The following ZFYVE26 variants were observed in gnomAD, a reference collection of about 807,000 sequenced individuals.
ZFYVE26 encodes zinc finger FYVE domain-containing protein 26.
A neutral mutation model predicts 276.5 loss-of-function variants in ZFYVE26; 181 were observed. That is an observed-to-expected ratio of 0.65 (90% CI 0.58 to 0.74). The LOEUF (loss-of-function observed/expected upper bound fraction) is 0.74. Among genes scored for constraint, ZFYVE26 ranks in the 30% least tolerant of loss-of-function variants. The pLI is 0.00. For missense variants in ZFYVE26, 2,821 were observed against 3,097.9 expected (o/e 0.91, Z 2.12); for synonymous variants, 1,129 against 1,203.1 (o/e 0.94, Z 1.27).
chr14:67,736,102 G>A (rs1188935655), intron 13 of ZFYVE26, among the ~76,000 whole-genome samples: 3 of 152,346 alleles, frequency 2.0e-5, no homozygotes, highest in East Asian at 1.9e-4. Context: ...TCAAGGAAGG[G>A]TTGAAACTGG....
chr14:67,754,238 C>T, intron 37 of ZFYVE26, 26 bp from the exon 38 acceptor site: 1 of 1,613,996 alleles, frequency 6.2e-7, no homozygotes, highest in Non-Finnish European at 8.5e-7. Flanking sequence ...ATGCACAGTC[C>T]AGCCTCATGA....
At chr14:67,799,472 C>CT in intron 10 of ZFYVE26, 1 of 1,611,006 alleles carries the variant, frequency 6.2e-7, no homozygotes, top group Admixed American at 1.7e-5. Flanking sequence ...CGTGGATAGC[C>CT]TGAAGGCAGC....
intron 3 of ZFYVE26, 143 bp from the exon 4 acceptor site, chr14:67,809,432 T>A: frequency 7.7e-6 from 5 of 651,962 alleles, no homozygotes; most frequent in South Asian, 2.0e-5. Flanking sequence ...TTTTTTTTTT[T>A]TTTATTTTGA....
At chr14:67,779,964 T>G (rs1316477693) in intron 23 of ZFYVE26, among the ~76,000 whole-genome samples, 2 of 152,052 alleles carry the variant, frequency 1.3e-5, no homozygotes, top group Non-Finnish European at 2.9e-5. Context: ...CTCCGCCTCC[T>G]GGGTTCACGC....
In ZFYVE26 at chr14:67,747,104, T is replaced by C. The variant is rs1339736937; in HGVS notation, c.*1332A>G. 2.0e-5 allele frequency: 3 copies of C among 152,662 alleles called. No individual in the cohort carries two copies. Among genetic ancestry groups the C allele is most frequent in the Admixed American group, 2.0e-4 (3 of 15,286 alleles). The allele number at this position is 152,662 out of a possible 1,614,324, so 9.5% of individuals were successfully genotyped here. On this transcript the variant is annotated 3_prime_UTR_variant, in exon 42 of 42. Transcript: ENST00000347230. ...TGGATGGGACCAATAGGCTGAGCTCTGGCCAGTGAGAGGTTCAGAGCTGCA... is the reference window on the plus strand; with the variant it reads ...TGGATGGGACCAATAGGCTGAGCTCCGGCCAGTGAGAGGTTCAGAGCTGCA...
Position 67,781,356 on chromosome 14 carries a change from C to A in ZFYVE26, c.4546G>T (p.Ala1516Ser). Residue 1516 changes from alanine (A) to serine (S), a missense_variant, in exon 22 of 42, where the codon GCG becomes TCG. Ala to Ser is a moderately conservative substitution (Grantham distance 99). Transcript: ENST00000347230. Reference protein sequence around the residue: ...GLKCELQRKLAELQVYQKILG... With the variant: ...GLKCELQRKLSELQVYQKILG... ...ACCTTCTGATACACCTGCAGCTCCGCCAGCTTCCTCTGTAGCTCACACTTT... is the reference window on the plus strand; with the variant it reads ...ACCTTCTGATACACCTGCAGCTCCGACAGCTTCCTCTGTAGCTCACACTTT... 1 of 1,614,178 alleles carries A rather than the reference C, an allele frequency of 6.2e-7. No homozygotes were observed. The highest frequency in any genetic ancestry group is 8.5e-7 in the Non-Finnish European group (1 of 1,180,036).
chr14:67,785,701 T>TA (rs2039632153), intron 18 of ZFYVE26, among the ~76,000 whole-genome samples, 157 bp downstream of exon 18: 1 of 152,192 alleles, frequency 6.6e-6, no homozygotes, highest in Non-Finnish European at 1.5e-5. Context: ...CAGGTGAAGT[T>TA]AAGTTACGAG....
At chr14:67,794,285 A>G in intron 12 of ZFYVE26, 46 bp from the exon 13 acceptor site, 1 of 1,583,340 alleles carries the variant, frequency 6.3e-7, no homozygotes, top group Non-Finnish European at 8.7e-7. Context: ...TCAGCTCCTT[A>G]TAGAGTAGGA....
chr14:67,773,553 GCACACACA>G (rs150277930), intron 27 of ZFYVE26, among the ~76,000 whole-genome samples: 24 of 136,966 alleles, frequency 1.8e-4, no homozygotes, highest in Non-Finnish European at 2.9e-4. Flanking sequence ...AAAAAAAGGC[GCACACACA>G]CACACACACA....
intron 3 of ZFYVE26, among the ~76,000 whole-genome samples, chr14:67,810,524 T>C (rs972306881): frequency 6.6e-6 from 1 of 152,316 alleles, no homozygotes; most frequent in East Asian, 1.9e-4. Flanking sequence ...TTACTAGAGG[T>C]AAAATGGTTA....
At position 67,747,071 on chromosome 14, in the gene ZFYVE26, C is replaced by G. The variant is rs1293210090; in HGVS notation, c.*1365G>C. ...TTCAGCTTCCAGTTTCTGTTTGTCT[C>G]AGCATCATGGATGGGACCAATAGGC... On this transcript the variant is annotated 3_prime_UTR_variant, in exon 42 of 42. Transcript: ENST00000347230. The G allele has an allele frequency of 6.6e-6, 1 of 152,624 alleles. No homozygotes were observed. Among genetic ancestry groups the G allele is most frequent in the Non-Finnish European group, 1.5e-5 (1 of 68,026 alleles). 9.5% of individuals were successfully genotyped at this position (152,624 alleles called of 1,614,324 possible). A position where few individuals can be genotyped will look rare whatever the true frequency, so the allele number is the denominator to read the frequency against.
At position 67,762,303 on chromosome 14, in the gene ZFYVE26, A is replaced by C. The variant is rs2038953373; in HGVS notation, c.6269T>G (p.Leu2090Arg). ...TAAREKFSRC[L>R]KPPFDLNQLN... ...CTGATTGAGGTCAAATGGGGGCTTC[A>C]GACAGCGACTGAACTTCTCCCGTGC... is the stretch of plus-strand genomic sequence containing the variant. The change falls in exon 34 of 42, where the codon CTG becomes CGG. Residue 2090 changes from leucine to arginine, a missense_variant. Transcript: ENST00000347230. 1 of 1,614,080 alleles carries C rather than the reference A, an allele frequency of 6.2e-7. No homozygotes were observed. The highest frequency in any genetic ancestry group is 1.7e-5 in the Admixed American group (1 of 60,002).
At chr14:67,753,664 G>T in intron 39 of ZFYVE26, 43 bp downstream of exon 39, 3 of 1,591,600 alleles carry the variant, frequency 1.9e-6, no homozygotes, top group Non-Finnish European at 2.6e-6. Context: ...CTGTGGTCAG[G>T]TGCTGATTGT....
At chr14:67,790,286 A>G (rs2039776353) in intron 15 of ZFYVE26, among the ~76,000 whole-genome samples, 2 of 152,234 alleles carry the variant, frequency 1.3e-5, no homozygotes, top group African/African-American at 4.8e-5. Context: ...AGCCAGAGAC[A>G]GTGGCCATCA....
intron 28 of ZFYVE26, among the ~76,000 whole-genome samples, chr14:67,770,693 G>C (rs1215101770): frequency 2.0e-5 from 3 of 152,080 alleles, no homozygotes; most frequent in Non-Finnish European, 4.4e-5. Flanking sequence ...AAAGCACTTA[G>C]TATCATGCCT....
At chr14:67,753,481 T>C (rs1326200455) in intron 39 of ZFYVE26, among the ~76,000 whole-genome samples, 1 of 152,222 alleles carries the variant, frequency 6.6e-6, no homozygotes, top group Non-Finnish European at 1.5e-5. Context: ...CTGGTATTTA[T>C]TTGGTAGCTT....
At position 67,805,588 on chromosome 14, in the gene ZFYVE26, C is replaced by G; in HGVS notation, c.1048G>C (p.Asp350His). 2 of 1,614,178 alleles carry G rather than the reference C, an allele frequency of 1.2e-6. No individual in the cohort carries two copies. Among genetic ancestry groups the G allele is most frequent in the Non-Finnish European group, 1.7e-6 (2 of 1,180,032 alleles). The change falls in exon 7 of 42, where the codon GAC becomes CAC. Residue 350 changes from aspartate to histidine, a missense_variant. Transcript: ENST00000347230. Reference sequence around the variant, plus strand: ...AGTAGGCAGCCAAGATTTGGGAAGTCTTCTTCTTTCAACAATGTTAGTGCT... The same window carrying G: ...AGTAGGCAGCCAAGATTTGGGAAGTGTTCTTCTTTCAACAATGTTAGTGCT... Reference protein sequence around the residue: ...VTALTLLKEEDFPNLGCLLDR... With the variant: ...VTALTLLKEEHFPNLGCLLDR...
In ZFYVE26 at chr14:67,813,967, T is replaced by G. The variant is rs2040349799; in HGVS notation, c.273+19A>C. The G allele has an allele frequency of 1.3e-6, 2 of 1,599,802 alleles. No individual in the cohort carries two copies. The highest frequency in any genetic ancestry group is 1.7e-6 in the Non-Finnish European group (2 of 1,167,534). ...CTCAGTCCTGGCCTCGGAGGAAAAT[T>G]TAATATAAACCTACTTACCTTTTCC... On this transcript the variant is annotated intron_variant, in intron 3 of 41. Coordinates refer to ENST00000347230, the MANE Select transcript of ZFYVE26 (RefSeq NM_015346.4).
At position 67,755,196 on chromosome 14, in the gene ZFYVE26, A is replaced by C; in HGVS notation, c.6841T>G (p.Ser2281Ala). 6.2e-7 allele frequency: 1 copy of C among 1,614,052 alleles called. No homozygotes were observed. Among genetic ancestry groups the C allele is most frequent in the Non-Finnish European group, 8.5e-7 (1 of 1,180,024 alleles). ...AGCTTCTCTCCCAGTTCTGTATATG[A>C]CTTTGCTTTGTGACTGAAGAACCGA... is the stretch of plus-strand genomic sequence containing the variant. ...CIRFFSHKAK[S>A]YTELGEKLSW... Residue 2281 changes from serine to alanine, a missense_variant, in exon 37 of 42, where the codon TCA becomes GCA. Ser to Ala is a moderately conservative substitution (Grantham distance 99). Transcript: ENST00000347230.
Sources: gnomAD v4.1 joint callset for allele counts (sites outside exome capture counted in the v4.1 genomes callset) on GRCh38, gnomAD v4.1.1 for gene constraint, MANE v1.5 for transcripts, NCBI Gene and HGNC (gene_info 2026-07-23, HGNC 2026-07-21) for gene names.